Variants in SHISA9 observed in about 807,000 individuals in gnomAD.
The protein encoded by SHISA9 is protein shisa-9.
Under a neutral mutation model 38.0 loss-of-function variants are expected in SHISA9, and 13 were observed. The ratio of observed to expected loss-of-function variants is 0.34; its 90% CI spans 0.22 to 0.54. The LOEUF is 0.54. Ranked by LOEUF, SHISA9 falls within the 20% of genes least tolerant of loss-of-function variation. The probability of loss-of-function intolerance (pLI) is 0.91; values close to 1 mark genes in which losing one functional copy is unlikely to be tolerated. For missense variants in SHISA9, 538 were observed against 575.8 expected, an observed-to-expected ratio of 0.93 and a Z score of 0.67; for synonymous variants, 275 against 242.0, an observed-to-expected ratio of 1.14 and a Z score of -1.27.
At chr16:13,204,109 C>T (rs1442864373) in intron 3 of SHISA9, among the ~76,000 whole-genome samples, 1 of 151,928 alleles carries the variant, frequency 6.6e-6, no homozygotes, top group Non-Finnish European at 1.5e-5. Flanking sequence ...ATCTGTCTAC[C>T]TATTATCTAT....
chr16:13,192,386 AAAAG>A (rs1459288883), intron 2 of SHISA9, among the ~76,000 whole-genome samples: 1 of 152,136 alleles, frequency 6.6e-6, no homozygotes, highest in Non-Finnish European at 1.5e-5. Context: ...TAAAATTTGA[AAAAG>A]AAAGCTTTGG....
At chr16:13,107,496 CA>C in intron 2 of SHISA9, among the ~76,000 whole-genome samples, 1 of 151,540 alleles carries the variant, frequency 6.6e-6, no homozygotes. Flanking sequence ...CACACACACA[CA>C]CACACACACA....
the SHISA9 span, among the ~76,000 whole-genome samples, chr16:13,472,496 A>G: frequency 7.4e-6 from 1 of 134,460 alleles, no homozygotes; most frequent in Non-Finnish European, 1.5e-5. Context: ...GGTTCATGCC[A>G]TTGTCCTGCC....
At chr16:12,917,287 G>A (rs1031732787) in intron 2 of SHISA9, among the ~76,000 whole-genome samples, 1 of 152,168 alleles carries the variant, frequency 6.6e-6, no homozygotes, top group African/African-American at 2.4e-5. Flanking sequence ...TAGTTCAGAA[G>A]AATTATGTCT....
At chr16:13,519,354 T>C in the SHISA9 span, among the ~76,000 whole-genome samples, 4 of 152,314 alleles carry the variant, frequency 2.6e-5, no homozygotes, top group South Asian at 6.2e-4. Flanking sequence ...CCATGAACCG[T>C]AGCAATTGAT....
chr16:12,925,647 C>T (rs1480768148), intron 2 of SHISA9, among the ~76,000 whole-genome samples: 1 of 152,182 alleles, frequency 6.6e-6, no homozygotes, highest in Non-Finnish European at 1.5e-5. Flanking sequence ...GTAAAGAAAG[C>T]CTAAGTGCTC....
chr16:13,319,779 G>A, the SHISA9 span, among the ~76,000 whole-genome samples: 3 of 148,530 alleles, frequency 2.0e-5, no homozygotes, highest in East Asian at 2.0e-4. Context: ...GGTGTACAGT[G>A]CAGAGATGTG....
intron 2 of SHISA9, among the ~76,000 whole-genome samples, chr16:13,006,812 T>C (rs2072603725): frequency 2.0e-5 from 3 of 152,204 alleles, no homozygotes; most frequent in Admixed American, 2.0e-4. Context: ...TTGTCCACTC[T>C]CTGATCACTG....
At chr16:13,422,149 A>G in the SHISA9 span, among the ~76,000 whole-genome samples, 1 of 152,184 alleles carries the variant, frequency 6.6e-6, no homozygotes, top group African/African-American at 2.4e-5. Context: ...ACCCACTCGT[A>G]AAATACGGGC....
chr16:13,231,918 A>G (rs1256012308), intron 4 of SHISA9, among the ~76,000 whole-genome samples: 1 of 152,238 alleles, frequency 6.6e-6, no homozygotes, highest in Non-Finnish European at 1.5e-5. Context: ...TAGTTTAATC[A>G]TTTTATATGC....
At chr16:13,224,995 G>A (rs753315307) in intron 4 of SHISA9, among the ~76,000 whole-genome samples, 1 of 152,154 alleles carries the variant, frequency 6.6e-6, no homozygotes. Flanking sequence ...TGGAAATAGA[G>A]TCTTTGCAGA....
chr16:13,474,452 C>A, the SHISA9 span: 1 of 152,118 alleles, frequency 6.6e-6, no homozygotes, highest in South Asian at 2.1e-4. Context: ...ATGAATTATA[C>A]CGTTTAATCT....
chr16:12,913,354 G>A (rs1459472616), intron 1 of SHISA9, among the ~76,000 whole-genome samples: 2 of 152,024 alleles, frequency 1.3e-5, no homozygotes, highest in East Asian at 1.9e-4. Flanking sequence ...CCACCACCAC[G>A]CCCAGCTAAT....
chr16:12,947,617 C>G (rs1047208657), intron 2 of SHISA9, among the ~76,000 whole-genome samples: 3 of 152,196 alleles, frequency 2.0e-5, no homozygotes, highest in African/African-American at 7.2e-5. Flanking sequence ...GACATCGGGA[C>G]AGCAGCTCTT....
At chr16:12,910,635 T>G (rs1410735883) in intron 1 of SHISA9, 2 of 985,342 alleles carry the variant, frequency 2.0e-6, no homozygotes, top group African/African-American at 3.5e-5. Flanking sequence ...TCAACATAAT[T>G]GTTGTTTTAA....
intron 3 of SHISA9, among the ~76,000 whole-genome samples, chr16:13,206,236 A>G (rs1009483491): frequency 6.6e-6 from 1 of 152,096 alleles, no homozygotes; most frequent in Non-Finnish European, 1.5e-5. Flanking sequence ...TTATTTATCT[A>G]TTCTCACATA....
At chr16:13,560,770 A>G in the SHISA9 span, among the ~76,000 whole-genome samples, 1 of 143,748 alleles carries the variant, frequency 7.0e-6, no homozygotes. Context: ...AAAAAAAAAA[A>G]GCAGAAAGGA....
chr16:13,218,047 G>A (rs1481225425), intron 4 of SHISA9, among the ~76,000 whole-genome samples: 1 of 151,670 alleles, frequency 6.6e-6, no homozygotes, highest in Non-Finnish European at 1.5e-5. Flanking sequence ...AGGGAGGGAA[G>A]GAAGGTAGGA....
intron 2 of SHISA9, among the ~76,000 whole-genome samples, chr16:13,059,435 AGACT>A (rs2073349346): frequency 6.6e-6 from 1 of 152,104 alleles, no homozygotes; most frequent in South Asian, 2.1e-4. Flanking sequence ...CCTATCAGAT[AGACT>A]ATTTACAGAG....
Sources: gnomAD v4.1 joint callset for allele counts (sites outside exome capture counted in the v4.1 genomes callset) on GRCh38, gnomAD v4.1.1 for gene constraint, MANE v1.5 for transcripts, NCBI Gene and HGNC (gene_info 2026-07-23, HGNC 2026-07-21) for gene names.